DPP6: variants seen among roughly 807,000 people sequenced by gnomAD.
DPP6 encodes the protein A-type potassium channel modulatory protein DPP6.
A neutral mutation model predicts 122.6 loss-of-function variants in DPP6; 69 were observed. That is an observed-to-expected ratio of 0.56 (90% confidence interval 0.46 to 0.69). The LOEUF is 0.69. Among genes scored for constraint, DPP6 ranks in the 30% least tolerant of loss-of-function variants. DPP6 has a pLI of 0.00. For missense variants in DPP6, 928 were observed against 1,116.9 expected, an observed-to-expected ratio of 0.83 and a Z score of 2.41; for synonymous variants, 418 against 433.1, an observed-to-expected ratio of 0.97 and a Z score of 0.43.
At chr7:154,587,965 C>T in intron 5 of DPP6, 1 of 1,612,924 alleles carries the variant, frequency 6.2e-7, no homozygotes, top group Non-Finnish European at 8.5e-7. Flanking sequence ...ACCTGCAGCC[C>T]TCAGGCAGCA....
chr7:154,780,494 C>T (rs1275096905), intron 10 of DPP6, among the ~76,000 whole-genome samples: 1 of 152,196 alleles, frequency 6.6e-6, no homozygotes, highest in Non-Finnish European at 1.5e-5. Flanking sequence ...GATTCTGCGT[C>T]GCCATCCTCA....
At chr7:153,807,805 A>G in the DPP6 span, among the ~76,000 whole-genome samples, 4 of 151,918 alleles carry the variant, frequency 2.6e-5, no homozygotes, top group Admixed American at 6.6e-5. Context: ...ATTTCCAAAC[A>G]CCAGTATTGA....
chr7:154,204,668 G>A (rs544277298), intron 1 of DPP6, among the ~76,000 whole-genome samples: 17 of 152,232 alleles, frequency 1.1e-4, no homozygotes, highest in East Asian at 1.9e-4. Flanking sequence ...GGTCCTGGGC[G>A]TGGTTAAGTA....
Position 154,403,603 on chromosome 7 carries a change from G to A in DPP6, c.244-42611G>A, listed in dbSNP as rs1815830243. On this transcript the variant is annotated intron_variant, in intron 1 of 25. Coordinates refer to ENST00000377770, the MANE Select transcript of DPP6 (RefSeq NM_130797.4). The surrounding 1 kb of genome is among the most constrained non-coding windows in gnomAD (Gnocchi z 4.1). ...CTGGGCAATCACGCCTTTCTCTGCT[G>A]TCTGCACGTGGCGAAAATGAAAGCA... Among the ~76,000 whole-genome samples, 1 of 152,206 alleles carries A rather than the reference G, an allele frequency of 6.6e-6. No homozygotes were observed. Among genetic ancestry groups the A allele is most frequent in the Admixed American group, 6.5e-5 (1 of 15,284 alleles).
chr7:154,047,158 C>T (rs1800060861), intron 1 of DPP6, among the ~76,000 whole-genome samples: 1 of 151,502 alleles, frequency 6.6e-6, no homozygotes, highest in South Asian at 2.1e-4. Context: ...GGCTCACAGT[C>T]AGTTCTAAGG....
intron 1 of DPP6, among the ~76,000 whole-genome samples, chr7:154,213,372 GCAACTTATTGTTT>G (rs1799839788): frequency 6.6e-6 from 1 of 152,216 alleles, no homozygotes; most frequent in Non-Finnish European, 1.5e-5. Flanking sequence ...CATGAAGGCT[GCAACTTATTGTTT>G]CTCTGCCCTG....
At chr7:153,929,636 G>T (rs140013644) in intron 1 of DPP6, among the ~76,000 whole-genome samples, 1 of 152,092 alleles carries the variant, frequency 6.6e-6, no homozygotes, top group African/African-American at 2.4e-5. Context: ...TTTGCAAATG[G>T]CTTTGAAGAA....
intron 8 of DPP6, among the ~76,000 whole-genome samples, chr7:154,743,122 G>A (rs1842888585): frequency 1.3e-5 from 2 of 152,232 alleles, no homozygotes; most frequent in African/African-American, 2.4e-5. Flanking sequence ...TCCATCAGGT[G>A]AGGTTTTTTC....
At chr7:154,395,357 A>C (rs1480707886) in intron 1 of DPP6, among the ~76,000 whole-genome samples, 1 of 152,204 alleles carries the variant, frequency 6.6e-6, no homozygotes, top group Non-Finnish European at 1.5e-5. Flanking sequence ...TTGACATCTT[A>C]ACAACATTAA....
At chr7:154,438,948 A>G (rs568098932) in intron 1 of DPP6, among the ~76,000 whole-genome samples, 6 of 152,270 alleles carry the variant, frequency 3.9e-5, no homozygotes, top group Admixed American at 3.9e-4. Context: ...TCCAGGGCCC[A>G]TGGGTGGAGG....
intron 4 of DPP6, among the ~76,000 whole-genome samples, chr7:154,561,712 G>GT: frequency 1.3e-5 from 2 of 151,988 alleles, no homozygotes; most frequent in Middle Eastern, 6.8e-3. Flanking sequence ...CAACTACACA[G>GT]AAAACAGAAA....
chr7:154,308,240 T>C, intron 1 of DPP6, among the ~76,000 whole-genome samples: 1 of 146,964 alleles, frequency 6.8e-6, no homozygotes, highest in East Asian at 1.9e-4. Flanking sequence ...TGGCCACAAA[T>C]TAGGGGGGAA....
At chr7:154,475,417 C>G (rs1266866999) in intron 3 of DPP6, 2 of 288,224 alleles carry the variant, frequency 6.9e-6, no homozygotes, top group African/African-American at 4.4e-5. Context: ...ATCTTCATTC[C>G]CCTTTGTTCT....
intron 1 of DPP6, among the ~76,000 whole-genome samples, chr7:154,172,643 C>T (rs563451169): frequency 9.4e-6 from 1 of 106,194 alleles, no homozygotes; most frequent in African/African-American, 5.0e-5. Flanking sequence ...TGCTGTGACC[C>T]AGGATGGACT....
rs575576747 is a variant in DPP6, at chr7:154,365,224, A to G, written c.244-80990A>G. On this transcript the variant is annotated intron_variant, in intron 1 of 25. Coordinates refer to ENST00000377770, the MANE Select transcript of DPP6 (RefSeq NM_130797.4). ...ATTAAAGGGCTTGCCCAAAGCAGAT[A>G]CTTCTCTGGATTTTGCCAAGCTAGG... 7.2e-5 allele frequency among the ~76,000 whole-genome samples: 11 copies of G among 152,344 alleles called. No homozygotes were observed. In the South Asian group the frequency reaches 2.3e-3, roughly 32 times the overall value.
chr7:154,463,190 CTTTTCTTTTTTTTTT>C (rs1821447638), intron 2 of DPP6, among the ~76,000 whole-genome samples: 1 of 114,176 alleles, frequency 8.8e-6, no homozygotes, highest in East Asian at 2.8e-4. Flanking sequence ...TTTACTTCTC[CTTTTCTTTTTTTTTT>C]TTTTTTTTTT....
intron 6 of DPP6, among the ~76,000 whole-genome samples, chr7:154,659,224 C>G (rs1168818738): frequency 2.0e-5 from 3 of 152,216 alleles, no homozygotes; most frequent in Non-Finnish European, 4.4e-5. Context: ...CCACCTGACA[C>G]AGGGATTGAG....
Position 154,196,449 on chromosome 7 carries a change from C to T in DPP6, c.243+143386C>T, listed in dbSNP as rs895046708. Reference sequence around the variant, plus strand: ...AGGTTGCAGTGAGCTGAGATTGTGCCGCTGCACTCCAGCCTGGGTGACAGA... The same window carrying T: ...AGGTTGCAGTGAGCTGAGATTGTGCTGCTGCACTCCAGCCTGGGTGACAGA... On this transcript the variant is annotated intron_variant, in intron 1 of 25. Coordinates refer to ENST00000377770, the MANE Select transcript of DPP6 (RefSeq NM_130797.4). 5.3e-5 allele frequency among the ~76,000 whole-genome samples: 8 copies of T among 152,250 alleles called. No homozygotes were observed. The East Asian group carries it at 5.8e-4, about 11-fold the overall frequency.
chr7:153,803,299 G>A, the DPP6 span, among the ~76,000 whole-genome samples: 2 of 149,344 alleles, frequency 1.3e-5, no homozygotes, highest in African/African-American at 5.0e-5. Flanking sequence ...TTATTTTGGG[G>A]TGTGTGTGTG....
Sources: gnomAD v4.1 joint callset for allele counts (sites outside exome capture counted in the v4.1 genomes callset) on GRCh38, gnomAD v4.1.1 for gene constraint, Gnocchi (gnomAD v3.1) non-coding constraint, MANE v1.5 for transcripts, NCBI Gene and HGNC (gene_info 2026-07-23, HGNC 2026-07-21) for gene names.